The following TEX26 variants were observed in gnomAD, a reference collection of about 807,000 sequenced individuals.
TEX26 encodes testis-expressed protein 26.
In TEX26, 34 loss-of-function variants were observed where a neutral mutation model predicts 35.3. That is an observed-to-expected ratio of 0.96 (90% CI 0.73 to 1.28). TEX26 has a LOEUF of 1.28. Ranked by LOEUF, TEX26 falls within the 50% of genes most tolerant of loss-of-function variation. The pLI is 0.00. For missense variants in TEX26, 371 were observed against 330.1 expected, an observed-to-expected ratio of 1.12 and a Z score of -0.96; for synonymous variants, 136 against 111.8, an observed-to-expected ratio of 1.22 and a Z score of -1.36.
chr13:30,957,735 C>T (rs1227907207), intron 4 of TEX26, among the ~76,000 whole-genome samples: 1 of 152,182 alleles, frequency 6.6e-6, no homozygotes, highest in African/African-American at 2.4e-5. Context: ...GCAATAAGCC[C>T]CTTCCAGGGT....
chr13:30,934,146 G>C (rs1003043683), intron 1 of TEX26, among the ~76,000 whole-genome samples: 4 of 152,220 alleles, frequency 2.6e-5, no homozygotes, highest in African/African-American at 9.7e-5. Flanking sequence ...GCTCAATTTA[G>C]AAGGGAAGGC....
chr13:30,932,835 G>A, intron 1 of TEX26, 59 bp downstream of exon 1: 1 of 1,576,296 alleles, frequency 6.3e-7, no homozygotes, highest in Non-Finnish European at 8.6e-7. Flanking sequence ...CCGGGGAAAG[G>A]GTCCTGTTGA....
Position 30,952,845 on chromosome 13 carries a change from T to G in TEX26, c.312+20T>G, listed in dbSNP as rs995188800. On this transcript the variant is annotated intron_variant, in intron 3 of 6. Transcript: ENST00000380473. The stretch of plus-strand genomic sequence containing the variant: ...AATGAAGTAAGATAATATCTACATA[T>G]GTGTTGAATTTAATACTGTACTGTA... 1.9e-6 allele frequency: 3 copies of G among 1,604,466 alleles called. No homozygotes were observed. In the African/African-American group the frequency reaches 4.0e-5, roughly 21 times the overall value.
intron 5 of TEX26, among the ~76,000 whole-genome samples, chr13:30,966,902 A>T (rs933622700): frequency 6.6e-6 from 1 of 152,158 alleles, no homozygotes; most frequent in Non-Finnish European, 1.5e-5. Context: ...CCAACCTGTA[A>T]CCCAGGGAGC....
At chr13:30,940,322 C>CCTTTTTTTT (rs1953433108) in intron 2 of TEX26, among the ~76,000 whole-genome samples, 1 of 52,042 alleles carries the variant, frequency 1.9e-5, no homozygotes, top group African/African-American at 7.7e-5. Context: ...CATCAGCTGC[C>CCTTTTTTTT]TTTTTTTTTT....
chr13:30,939,676 G>T lies in TEX26; in HGVS notation c.62-18G>T, dbSNP rs1566140096. On this transcript the variant is annotated intron_variant, in intron 1 of 6. Coordinates refer to ENST00000380473, the MANE Select transcript of TEX26 (RefSeq NM_152325.3). The stretch of plus-strand genomic sequence containing the variant: ...ATTCTGGTTTGCCATATTTAAAACT[G>T]CTTTATTGTACTTTTAGCAGATGAC... 6.2e-7 allele frequency: 1 copy of T among 1,603,628 alleles called. No individual in the cohort carries two copies. Among genetic ancestry groups the T allele is most frequent in the African/African-American group, 1.3e-5 (1 of 74,780 alleles).
intron 2 of TEX26, among the ~76,000 whole-genome samples, chr13:30,943,787 G>T (rs1266683716): frequency 6.6e-6 from 1 of 151,952 alleles, no homozygotes; most frequent in Non-Finnish European, 1.5e-5. Flanking sequence ...ATATGTTAAA[G>T]CATGCCTGCA....
rs1953433622 is a variant in TEX26, at chr13:30,940,322, C to CTTCTTT, written c.146+546_146+547insCTTTTT. ...GTGGGAGTTTCTAAACATCAGCTGC[C>CTTCTTT]TTTTTTTTTTTTTTTTTTTTTTTTT... On this transcript the variant is annotated intron_variant, in intron 2 of 6. Transcript: ENST00000380473. Among the ~76,000 whole-genome samples, 2 of 52,044 alleles carry CTTCTTT rather than the reference C, an allele frequency of 3.8e-5. 1 individual carries two copies. The highest frequency in any genetic ancestry group is 6.7e-5 in the Non-Finnish European group (2 of 29,746). The allele number at this position is 52,044 out of a possible 152,430, so 34.1% of individuals were successfully genotyped here.
chr13:30,966,592 C>G (rs1330316721), intron 5 of TEX26, among the ~76,000 whole-genome samples, 194 bp downstream of exon 5: 1 of 152,026 alleles, frequency 6.6e-6, no homozygotes, highest in African/African-American at 2.4e-5. Flanking sequence ...TGCGCACCAC[C>G]ATGCCCAGCT....
Position 30,974,835 on chromosome 13 carries a change from A to C in TEX26, c.809-11A>C, listed in dbSNP as rs769551293. 1.5e-5 allele frequency: 23 copies of C among 1,552,690 alleles called. No individual in the cohort carries two copies. Among genetic ancestry groups the C allele is most frequent in the Non-Finnish European group, 1.9e-5 (22 of 1,155,470 alleles). On this transcript the variant is annotated splice_polypyrimidine_tract_variant and intron_variant, in intron 6 of 6. Transcript: ENST00000380473. ...GAAAATTTTCATCCTGTTTTTCTTC[A>C]TACTTTTCAGATAGACAAATTATTG... is the stretch of plus-strand genomic sequence containing the variant.
chr13:30,955,798 G>T (rs1183710844), intron 3 of TEX26, among the ~76,000 whole-genome samples: 2 of 152,162 alleles, frequency 1.3e-5, no homozygotes, highest in Admixed American at 6.5e-5. Flanking sequence ...CTGCAGGCGG[G>T]GCTGGGCCTT....
chr13:30,937,191 G>T (rs141018577), intron 1 of TEX26, among the ~76,000 whole-genome samples: 1 of 152,234 alleles, frequency 6.6e-6, no homozygotes, highest in East Asian at 1.9e-4. Context: ...GCTCTTGTCC[G>T]TCAGACTCCT....
chr13:30,948,709 T>C (rs1434026197), intron 2 of TEX26, among the ~76,000 whole-genome samples: 4 of 152,098 alleles, frequency 2.6e-5, no homozygotes, highest in Non-Finnish European at 5.9e-5. Context: ...ACTCTGATGG[T>C]GGTTTCTTTT....
At position 30,932,789 on chromosome 13, in the gene TEX26, ACT is replaced by A. The variant is rs1444288990; in HGVS notation, c.61+16_61+17del. The A allele has an allele frequency of 2.5e-6, 4 of 1,613,078 alleles. No individual in the cohort carries two copies. The highest frequency in any genetic ancestry group is 2.5e-6 in the Non-Finnish European group (3 of 1,179,806). On this transcript the variant is annotated intron_variant, in intron 1 of 6. Coordinates refer to ENST00000380473, the MANE Select transcript of TEX26 (RefSeq NM_152325.3). ...AACCTCCAGCCAAGTAAGACAGCAG[ACT>A]CTGCCGGTCTGCGGGGCGGGGCTGG...
At chr13:30,940,579 C>T (rs61947598) in intron 2 of TEX26, among the ~76,000 whole-genome samples, 35 of 152,110 alleles carry the variant, frequency 2.3e-4, no homozygotes, top group Middle Eastern at 3.4e-3. Context: ...GTGATCCGCC[C>T]GCCTCGGCCT....
In TEX26 at chr13:30,966,223, T is replaced by G; in HGVS notation, c.471T>G (p.Ala157=). ...CCTTCCATTTCCATTCCACCCCAGC[T>G]CAGAAGATTAAGAAAAGTTCTCACT... The part of the protein sequence containing the change: ...TKRDFVDRSK[A]QKIKKSSHLS... Residue 157 remains alanine (A), a splice_region_variant and synonymous_variant, in exon 5 of 7, where the codon GCT becomes GCG. Coordinates refer to ENST00000380473, the MANE Select transcript of TEX26 (RefSeq NM_152325.3). The G allele has an allele frequency of 6.2e-7, 1 of 1,613,840 alleles. No individual in the cohort carries two copies. Among genetic ancestry groups the G allele is most frequent in the Non-Finnish European group, 8.5e-7 (1 of 1,179,946 alleles).
At chr13:30,955,913 T>C (rs906990291) in intron 3 of TEX26, among the ~76,000 whole-genome samples, 7 of 152,142 alleles carry the variant, frequency 4.6e-5, no homozygotes, top group Non-Finnish European at 8.8e-5. Context: ...TCTGGTGGCT[T>C]CAATTTTCTC....
rs142740801 is a variant in TEX26, at chr13:30,966,386, T to C, written c.634T>C (p.Ser212Pro). The C allele has an allele frequency of 4.3e-6, 7 of 1,613,552 alleles. No individual in the cohort carries two copies. The highest frequency in any genetic ancestry group is 5.9e-6 in the Non-Finnish European group (7 of 1,179,850). ...YGCYSSLPVASQGLVPSVLHS... is the reference protein window; with the variant it reads ...YGCYSSLPVAPQGLVPSVLHS... ...ATGCTACTCAAGCTTGCCTGTTGCT[T>C]CTCAGGGTCTAGGTGAGTACAGCTG... The change falls in exon 5 of 7, where the codon TCT becomes CCT. Residue 212 changes from serine to proline, a missense_variant. Transcript: ENST00000380473.
chr13:30,950,594 A>T (rs933702988), intron 2 of TEX26, among the ~76,000 whole-genome samples: 5 of 152,170 alleles, frequency 3.3e-5, no homozygotes, highest in Admixed American at 2.0e-4. Context: ...AAAAGAGGTG[A>T]ACATTTTGTA....
Sources: allele counts gnomAD v4.1 joint callset (sites outside exome capture counted in the v4.1 genomes callset), GRCh38; gene constraint gnomAD v4.1.1; transcripts MANE v1.5; gene names NCBI Gene and HGNC (gene_info 2026-07-23, HGNC 2026-07-21).